Variants in CCNYL1 observed in about 807,000 individuals in gnomAD.
CCNYL1 encodes the protein cyclin Y like 1.
A neutral mutation model predicts 44.2 loss-of-function variants in CCNYL1; 16 were observed. The observed-to-expected ratio is 0.36, with a 90% CI of 0.25 to 0.55. The LOEUF (loss-of-function observed/expected upper bound fraction) is 0.55, where lower values mean the gene tolerates loss of function less well. CCNYL1 is among the 20% of genes least tolerant of loss of function. CCNYL1 has a pLI of 0.85. For synonymous variants in CCNYL1, 159 were observed against 163.2 expected, an observed-to-expected ratio of 0.97 and a Z score of 0.20; for missense variants, 348 against 451.8, an observed-to-expected ratio of 0.77 and a Z score of 2.08.
chr2:207,742,707 G>C (rs1330518304), intron 7 of CCNYL1, among the ~76,000 whole-genome samples: 1 of 152,160 alleles, frequency 6.6e-6, no homozygotes, highest in Admixed American at 6.5e-5. Flanking sequence ...ACTGATTCCA[G>C]TGTAGGTCTA....
intron 1 of CCNYL1, among the ~76,000 whole-genome samples, chr2:207,713,744 C>G (rs984087606): frequency 6.6e-5 from 10 of 152,142 alleles, no homozygotes; most frequent in Non-Finnish European, 1.0e-4. Flanking sequence ...GATGGACATG[C>G]CTTTGTAACT....
chr2:207,733,890 A>G (rs2091746520), intron 3 of CCNYL1, 57 bp from the exon 4 acceptor site: 4 of 1,121,782 alleles, frequency 3.6e-6, no homozygotes, highest in Non-Finnish European at 5.4e-6. Context: ...AGGAAAAACC[A>G]CACTTTTATA....
At chr2:207,730,160 T>C (rs2091716296) in intron 3 of CCNYL1, among the ~76,000 whole-genome samples, 1 of 152,158 alleles carries the variant, frequency 6.6e-6, no homozygotes, top group East Asian at 1.9e-4. Context: ...TAGTTTTTTT[T>C]CCCATTTCCC....
At chr2:207,730,012 T>A (rs554323632) in intron 3 of CCNYL1, among the ~76,000 whole-genome samples, 1 of 152,240 alleles carries the variant, frequency 6.6e-6, no homozygotes, top group South Asian at 2.1e-4. Flanking sequence ...TGTGCCCTGC[T>A]GGATGCGTCT....
At chr2:207,722,728 AG>A (rs1237107001) in intron 1 of CCNYL1, among the ~76,000 whole-genome samples, 8 of 151,924 alleles carry the variant, frequency 5.3e-5, no homozygotes, top group Non-Finnish European at 1.2e-4. Flanking sequence ...TGGGAGGCCG[AG>A]GGGGGCAGAT....
rs1397096523 is a variant in CCNYL1, at chr2:207,712,258, TC to T, written c.220+146del. 15 of 622,974 alleles carry T rather than the reference TC, an allele frequency of 2.4e-5. No homozygotes were observed. The East Asian group carries it at 5.0e-4, about 21-fold the overall frequency. The allele number at this position is 622,974 out of a possible 1,614,324, so 38.6% of individuals were successfully genotyped here. ...GGACGAAGGCTGGTTCTGCCTCGCG[TC>T]CCCACCCCTTATTCTTGCCCTGCTG... On this transcript the variant is annotated intron_variant, in intron 1 of 9. Transcript: ENST00000295414.
chr2:207,722,683 G>A (rs537756924), intron 1 of CCNYL1, among the ~76,000 whole-genome samples: 3 of 152,266 alleles, frequency 2.0e-5, no homozygotes, highest in South Asian at 4.1e-4. Flanking sequence ...GGTAGAGGCT[G>A]GGTGTGGTGG....
At chr2:207,747,533 G>A (rs1361658993) in intron 8 of CCNYL1, among the ~76,000 whole-genome samples, 1 of 152,056 alleles carries the variant, frequency 6.6e-6, no homozygotes, top group East Asian at 1.9e-4. Flanking sequence ...ACATAGCACA[G>A]TAAATATCTT....
intron 1 of CCNYL1, among the ~76,000 whole-genome samples, chr2:207,715,379 C>CTTTTTTTTTTT (rs770646092): frequency 5.0e-5 from 5 of 100,754 alleles, no homozygotes; most frequent in African/African-American, 1.1e-4. Flanking sequence ...CAAGCTATTT[C>CTTTTTTTTTTT]TTTTTTTTTT....
intron 7 of CCNYL1, among the ~76,000 whole-genome samples, chr2:207,744,090 G>T (rs973128729): frequency 6.6e-6 from 1 of 152,144 alleles, no homozygotes; most frequent in Non-Finnish European, 1.5e-5. Context: ...GACAGGAGGG[G>T]CTCACTATTT....
At position 207,724,379 on chromosome 2, in the gene CCNYL1, A is replaced by G. The variant is rs76284159; in HGVS notation, c.221-421A>G. On this transcript the variant is annotated intron_variant, in intron 1 of 9. Coordinates refer to ENST00000295414, the MANE Select transcript of CCNYL1 (RefSeq NM_001330218.2). ...CAAAAACAACTCTTTGTTTTACCATATTTGATGTATTGAGCTGGTGCCTGA... is the reference window on the plus strand; with the variant it reads ...CAAAAACAACTCTTTGTTTTACCATGTTTGATGTATTGAGCTGGTGCCTGA... 2.7e-3 allele frequency among the ~76,000 whole-genome samples: 404 copies of G among 152,292 alleles called. 1 individual carries two copies. The highest frequency in any genetic ancestry group is 9.1e-3 in the African/African-American group (376 of 41,542).
At chr2:207,744,629 C>T (rs1421256155) in intron 7 of CCNYL1, among the ~76,000 whole-genome samples, 10 of 152,038 alleles carry the variant, frequency 6.6e-5, no homozygotes, top group Non-Finnish European at 4.4e-5. Flanking sequence ...TTCGGCATCC[C>T]GAAGTACTGG....
chr2:207,719,300 T>A (rs1010159492), intron 1 of CCNYL1, among the ~76,000 whole-genome samples: 2 of 115,664 alleles, frequency 1.7e-5, no homozygotes, highest in Non-Finnish European at 3.4e-5. Flanking sequence ...ATATAGCAAT[T>A]GCTTTTTTTT....
intron 2 of CCNYL1, 85 bp from the exon 3 acceptor site, chr2:207,726,757 T>G: frequency 1.2e-6 from 1 of 832,826 alleles, no homozygotes; most frequent in Non-Finnish European, 1.9e-6. Context: ...TCTCATTTTG[T>G]ATATTGTTAA....
At chr2:207,743,020 C>A (rs185192047) in intron 7 of CCNYL1, among the ~76,000 whole-genome samples, 5 of 152,308 alleles carry the variant, frequency 3.3e-5, no homozygotes, top group East Asian at 3.9e-4. Context: ...TTACTCCTCC[C>A]CACAGCAAAC....
chr2:207,732,473 A>G (rs1472316728), intron 3 of CCNYL1, among the ~76,000 whole-genome samples: 2 of 152,222 alleles, frequency 1.3e-5, no homozygotes, highest in South Asian at 4.1e-4. Context: ...TTTTAAAAGC[A>G]ATGACTAGAC....
chr2:207,746,962 T>C lies in CCNYL1; in HGVS notation c.640-85T>C, dbSNP rs181360475. The C allele has an allele frequency of 8.0e-4, 922 of 1,145,704 alleles. 7 individuals are homozygous for C. In the African/African-American group the frequency reaches 0.013, roughly 17 times the overall value. 71.0% of individuals were successfully genotyped at this position (1,145,704 alleles called of 1,614,324 possible). On this transcript the variant is annotated intron_variant, in intron 7 of 9. Transcript: ENST00000295414. ...TGCACTACAGCCTGGGCAACAAGAG[T>C]GAAACTCCGTCTCAAAAAAAAAAAA...
intron 3 of CCNYL1, among the ~76,000 whole-genome samples, chr2:207,729,030 C>G (rs1387514976): frequency 6.6e-6 from 1 of 152,118 alleles, no homozygotes; most frequent in Non-Finnish European, 1.5e-5. Flanking sequence ...ATCTCCTGAC[C>G]TTGTGATCTG....
chr2:207,715,384 T>TC (rs1477735417), intron 1 of CCNYL1, among the ~76,000 whole-genome samples: 2 of 142,994 alleles, frequency 1.4e-5, no homozygotes, highest in Non-Finnish European at 3.1e-5. Flanking sequence ...TATTTCTTTT[T>TC]TTTTTTTTTT....
Sources: gnomAD v4.1 joint callset for allele counts (sites outside exome capture counted in the v4.1 genomes callset) on GRCh38, gnomAD v4.1.1 for gene constraint, MANE v1.5 for transcripts, NCBI Gene and HGNC (gene_info 2026-07-23, HGNC 2026-07-21) for gene names.